GPHN: variants seen among roughly 807,000 people sequenced by gnomAD.
The protein encoded by GPHN is gephyrin.
A neutral mutation model predicts 95.5 loss-of-function variants in GPHN; 17 were observed. The observed-to-expected ratio is 0.18, with a 90% confidence interval of 0.12 to 0.27. GPHN has a LOEUF of 0.27. Ranked by LOEUF, GPHN falls within the 10% of genes least tolerant of loss-of-function variation. The pLI is 1.00. For missense variants in GPHN, 660 were observed against 978.1 expected, an observed-to-expected ratio of 0.67 and a Z score of 4.34; for synonymous variants, 320 against 322.5, an observed-to-expected ratio of 0.99 and a Z score of 0.08.
At chr14:67,247,447 A>G in the GPHN span, among the ~76,000 whole-genome samples, 1 of 152,124 alleles carries the variant, frequency 6.6e-6, no homozygotes, top group Non-Finnish European at 1.5e-5. Context: ...CTAAGTAGAC[A>G]GTCGTGCTCA....
At chr14:67,044,823 T>G (rs2074916777) in intron 10 of GPHN, among the ~76,000 whole-genome samples, 1 of 151,760 alleles carries the variant, frequency 6.6e-6, no homozygotes, top group Non-Finnish European at 1.5e-5. Flanking sequence ...CTCTCGTCTC[T>G]GTCTCTCTGT....
chr14:67,370,259 G>A, the GPHN span, among the ~76,000 whole-genome samples: 1 of 152,192 alleles, frequency 6.6e-6, no homozygotes, highest in Admixed American at 6.5e-5. Flanking sequence ...ATGTCGCAGT[G>A]CTGCAGAGAT....
At chr14:66,558,581 C>T (rs973819777) in intron 1 of GPHN, among the ~76,000 whole-genome samples, 2 of 151,960 alleles carry the variant, frequency 1.3e-5, no homozygotes, top group Non-Finnish European at 2.9e-5. Context: ...ATATGTAATC[C>T]TACTGTTAAA....
At chr14:66,540,065 A>AATGACC (rs1159565360) in intron 1 of GPHN, among the ~76,000 whole-genome samples, 1 of 152,210 alleles carries the variant, frequency 6.6e-6, no homozygotes, top group East Asian at 1.9e-4. Flanking sequence ...CTGCATAACA[A>AATGACC]ATGACCTCTA....
intron 1 of GPHN, among the ~76,000 whole-genome samples, chr14:66,547,859 C>G (rs1868969385): frequency 6.6e-6 from 1 of 152,106 alleles, no homozygotes; most frequent in Admixed American, 6.5e-5. Context: ...GGTTATGATA[C>G]TTAAAAATGA....
At chr14:66,660,767 C>G (rs1487399606) in intron 1 of GPHN, among the ~76,000 whole-genome samples, 2 of 152,138 alleles carry the variant, frequency 1.3e-5, no homozygotes, top group African/African-American at 4.8e-5. Context: ...AGGGAAACAA[C>G]TCAACCCACA....
the GPHN span, among the ~76,000 whole-genome samples, chr14:67,341,106 A>G: frequency 1.3e-5 from 2 of 152,094 alleles, no homozygotes; most frequent in Non-Finnish European, 2.9e-5. Context: ...CCGGTCTGGG[A>G]AGTGAGGAGC....
the GPHN span, among the ~76,000 whole-genome samples, chr14:67,284,552 A>ACC: frequency 1.3e-5 from 1 of 77,814 alleles, no homozygotes; most frequent in African/African-American, 1.2e-4. Flanking sequence ...AGTGCTAAAA[A>ACC]AAAAAAAAAA....
the GPHN span, chr14:67,317,500 T>TATAATTCCACCTATCCCTG: frequency 6.5e-7 from 1 of 1,536,928 alleles, no homozygotes; most frequent in Non-Finnish European, 9.0e-7. Context: ...CTCTCAGGGA[T>TATAATTCCACCTATCCCTG]AGGTGGAATT....
chr14:67,321,878 T>A, the GPHN span, among the ~76,000 whole-genome samples: 1 of 152,214 alleles, frequency 6.6e-6, no homozygotes, highest in African/African-American at 2.4e-5. Flanking sequence ...TTAATTTGAG[T>A]CTATGAAATA....
intron 17 of GPHN, among the ~76,000 whole-genome samples, chr14:67,136,638 G>C (rs74636387): frequency 6.6e-6 from 1 of 152,084 alleles, no homozygotes; most frequent in Admixed American, 6.6e-5. Context: ...CCAAAAAAAT[G>C]ATACTAGTTT....
At chr14:66,937,012 AT>A (rs199667961) in intron 8 of GPHN, among the ~76,000 whole-genome samples, 1 of 151,624 alleles carries the variant, frequency 6.6e-6, no homozygotes, top group Non-Finnish European at 1.5e-5. Flanking sequence ...CGTGAAGATA[AT>A]TTTTTTTTCC....
chr14:67,392,574 C>T, the GPHN span: 8 of 1,323,226 alleles, frequency 6.0e-6, no homozygotes, highest in Non-Finnish European at 8.6e-6. Context: ...AAGGTCTCCT[C>T]CCATGACTGT....
chr14:66,979,452 T>C (rs1224480227), intron 9 of GPHN, among the ~76,000 whole-genome samples: 1 of 152,222 alleles, frequency 6.6e-6, no homozygotes, highest in Non-Finnish European at 1.5e-5. Context: ...AGACATCTTC[T>C]TTCCTTAGAC....
the GPHN span, chr14:67,473,756 G>A: frequency 6.2e-6 from 10 of 1,613,602 alleles, no homozygotes; most frequent in African/African-American, 4.0e-5. This position sits in a 1 kb window ranked among gnomAD's most constrained non-coding sequence, Gnocchi z 6.5. Flanking sequence ...CGATGAGGAT[G>A]GAGGTGCCGT....
chr14:66,727,537 T>A (rs546278513), intron 2 of GPHN, among the ~76,000 whole-genome samples: 1 of 152,294 alleles, frequency 6.6e-6, no homozygotes, highest in African/African-American at 2.4e-5. Context: ...AAATCCAGAC[T>A]GAGTTGGTCT....
intron 1 of GPHN, among the ~76,000 whole-genome samples, chr14:66,519,576 GTT>G (rs1407475290): frequency 3.9e-5 from 6 of 152,078 alleles, no homozygotes; most frequent in East Asian, 3.8e-4. Context: ...GTTGTTTAGA[GTT>G]ACTGTCTGCA....
intron 1 of GPHN, among the ~76,000 whole-genome samples, chr14:66,676,055 CAT>C (rs143703117): frequency 4.7e-5 from 7 of 150,166 alleles, no homozygotes; most frequent in Admixed American, 6.6e-5. Context: ...GTTACACACA[CAT>C]ATATATATAT....
chr14:67,720,450 C>A, the GPHN span, among the ~76,000 whole-genome samples: 1 of 152,286 alleles, frequency 6.6e-6, no homozygotes, highest in South Asian at 2.1e-4. Context: ...AGTGGTTCTT[C>A]TTAATACTTC....
Sources: gnomAD v4.1 joint callset for allele counts (sites outside exome capture counted in the v4.1 genomes callset) on GRCh38, gnomAD v4.1.1 for gene constraint, Gnocchi (gnomAD v3.1) non-coding constraint, MANE v1.5 for transcripts, NCBI Gene and HGNC (gene_info 2026-07-23, HGNC 2026-07-21) for gene names.